Variants in EGFLAM observed in about 807,000 individuals in gnomAD.
EGFLAM encodes EGF like, fibronectin type III and laminin G domains.
EGFLAM carries 79 observed loss-of-function variants against 113.1 expected under a neutral mutation model. That is an observed-to-expected ratio of 0.70 (90% CI 0.58 to 0.84). The LOEUF (loss-of-function observed/expected upper bound fraction) is 0.84. Among genes scored for constraint, EGFLAM ranks in the 40% least tolerant of loss-of-function variants. The pLI is 0.00. For synonymous variants in EGFLAM, 504 were observed against 487.6 expected (o/e 1.03, Z -0.44); for missense variants, 1,265 against 1,291.6 (o/e 0.98, Z 0.32).
At chr5:38,415,480 C>T (rs183756264) in intron 11 of EGFLAM, among the ~76,000 whole-genome samples, 48 of 152,244 alleles carry the variant, frequency 3.2e-4, no homozygotes, top group African/African-American at 9.9e-4. Flanking sequence ...CTCAGCCTAG[C>T]CTAGGCAACA....
chr5:38,373,401 C>T lies in EGFLAM; in HGVS notation c.712+2939C>T, dbSNP rs148519209. On this transcript the variant is annotated intron_variant, in intron 6 of 21. Transcript: ENST00000322350. ...CTAAGAAGTAATTTTTCAGCCCCCA[C>T]CTCCCTCCCAACCTCCCCGCTGCCT... Among the ~76,000 whole-genome samples the T allele has an allele frequency of 4.3e-3, 648 of 152,286 alleles. 3 individuals are homozygous for T. Among genetic ancestry groups the T allele is most frequent in the Middle Eastern group, 0.027 (8 of 294 alleles).
intron 5 of EGFLAM, among the ~76,000 whole-genome samples, chr5:38,363,762 C>G (rs576004859): frequency 6.6e-6 from 1 of 152,288 alleles, no homozygotes; most frequent in East Asian, 1.9e-4. Flanking sequence ...CGTTCATAGG[C>G]TTCATTGGAC....
chr5:38,414,818 C>G (rs1240135046), intron 11 of EGFLAM, among the ~76,000 whole-genome samples: 2 of 152,058 alleles, frequency 1.3e-5, no homozygotes. Context: ...CCATGGACCC[C>G]CCCTCAAGGC....
intron 1 of EGFLAM, among the ~76,000 whole-genome samples, chr5:38,304,465 G>T (rs747020935): frequency 6.6e-6 from 1 of 152,166 alleles, no homozygotes; most frequent in Admixed American, 6.5e-5. Flanking sequence ...CATGGGATGC[G>T]GAGACCTCAG....
chr5:38,374,513 G>A (rs1464458204), intron 6 of EGFLAM, among the ~76,000 whole-genome samples: 1 of 152,082 alleles, frequency 6.6e-6, no homozygotes, highest in Non-Finnish European at 1.5e-5. Context: ...TACCGGTCTG[G>A]GTGGTGTCAG....
intron 19 of EGFLAM, among the ~76,000 whole-genome samples, chr5:38,453,612 G>A (rs1742991473): frequency 1.3e-5 from 2 of 152,118 alleles, no homozygotes; most frequent in African/African-American, 2.4e-5. Context: ...CCTGTCCTCC[G>A]TAGCCTCCCA....
chr5:38,458,649 T>C (rs1367372088), intron 20 of EGFLAM, among the ~76,000 whole-genome samples: 1 of 152,262 alleles, frequency 6.6e-6, no homozygotes, highest in East Asian at 1.9e-4. Context: ...TGATGGCTGA[T>C]CTGGAAGAAC....
chr5:38,366,153 C>T (rs1740054110), intron 5 of EGFLAM, among the ~76,000 whole-genome samples: 1 of 152,186 alleles, frequency 6.6e-6, no homozygotes. Flanking sequence ...GCAGTACCCA[C>T]TCTTTGGATC....
intron 12 of EGFLAM, among the ~76,000 whole-genome samples, chr5:38,419,165 A>G (rs1296479273): frequency 6.6e-6 from 1 of 152,136 alleles, no homozygotes; most frequent in African/African-American, 2.4e-5. Context: ...CACCAATCGG[A>G]CTGGATTAGG....
At chr5:38,320,130 A>G (rs1738702011) in intron 1 of EGFLAM, among the ~76,000 whole-genome samples, 1 of 152,246 alleles carries the variant, frequency 6.6e-6, no homozygotes, top group South Asian at 2.1e-4. Context: ...TAGGGACTCA[A>G]TAAATCGAGG....
At chr5:38,330,738 AG>A (rs1176347650) in intron 1 of EGFLAM, among the ~76,000 whole-genome samples, 1 of 152,200 alleles carries the variant, frequency 6.6e-6, no homozygotes, top group African/African-American at 2.4e-5. Flanking sequence ...ACTATGGGTG[AG>A]GCTGTGCTTA....
chr5:38,386,275 C>A (rs1458924511), intron 6 of EGFLAM, among the ~76,000 whole-genome samples: 2 of 152,198 alleles, frequency 1.3e-5, no homozygotes, highest in Non-Finnish European at 2.9e-5. Flanking sequence ...TGGCTCACTG[C>A]AACCTCCACC....
intron 10 of EGFLAM, among the ~76,000 whole-genome samples, chr5:38,411,481 T>A (rs1431803113): frequency 7.0e-6 from 1 of 142,532 alleles, no homozygotes; most frequent in Admixed American, 6.8e-5. Context: ...TTTCATTAAT[T>A]TCTTTTTTTT....
intron 3 of EGFLAM, among the ~76,000 whole-genome samples, chr5:38,342,524 C>T (rs1739362163): frequency 6.6e-6 from 1 of 152,136 alleles, no homozygotes; most frequent in African/African-American, 2.4e-5. Context: ...GACCAAAATA[C>T]CCTGGCTGAT....
intron 6 of EGFLAM, among the ~76,000 whole-genome samples, chr5:38,381,436 C>G (rs1740509919): frequency 6.6e-6 from 1 of 152,130 alleles, no homozygotes; most frequent in African/African-American, 2.4e-5. Context: ...GAATACGAAA[C>G]ACTTATGTAC....
chr5:38,459,748 C>T (rs1743211585), intron 20 of EGFLAM, among the ~76,000 whole-genome samples: 1 of 145,980 alleles, frequency 6.9e-6, no homozygotes, highest in African/African-American at 2.7e-5. Context: ...GGGCCCCCAA[C>T]CCCTGGCTGC....
chr5:38,406,158 C>T lies in EGFLAM; in HGVS notation c.745C>T (p.Pro249Ser). The change falls in exon 7 of 22, where the codon CCC becomes TCC. Residue 249 changes from proline (P) to serine (S), a missense_variant. Pro to Ser is a moderately conservative substitution (Grantham distance 74). Transcript: ENST00000322350. ...GGAGGCGGGAAGTGGCCGCTATGGA[C>T]CCCGTTATATCACCGACATGGGAGC... ...PEEAGSGRYG[P>S]RYITDMGAGE... is the part of the protein sequence containing the mutation. The T allele has an allele frequency of 1.2e-6, 2 of 1,614,090 alleles. No individual in the cohort carries two copies. The highest frequency in any genetic ancestry group is 2.2e-5 in the South Asian group (2 of 91,074).
At chr5:38,424,527 C>T (rs1051671246) in intron 12 of EGFLAM, among the ~76,000 whole-genome samples, 44 of 152,168 alleles carry the variant, frequency 2.9e-4, no homozygotes, top group Admixed American at 2.4e-3. Context: ...CAACTTTGAA[C>T]CAACAAGGCA....
intron 1 of EGFLAM, among the ~76,000 whole-genome samples, chr5:38,311,088 T>C (rs1175350323): frequency 6.6e-6 from 1 of 152,106 alleles, no homozygotes; most frequent in Non-Finnish European, 1.5e-5. Context: ...TTTTCAAATG[T>C]TTAAAAATTG....
Sources: allele counts gnomAD v4.1 joint callset (sites outside exome capture counted in the v4.1 genomes callset), GRCh38; gene constraint gnomAD v4.1.1; transcripts MANE v1.5; gene names NCBI Gene and HGNC (gene_info 2026-07-23, HGNC 2026-07-21).